SPEN: variants seen among roughly 807,000 people sequenced by gnomAD.
The protein encoded by SPEN is msx2-interacting protein.
A neutral mutation model predicts 269.9 loss-of-function variants in SPEN; 18 were observed. That is an observed-to-expected ratio of 0.07 (90% CI 0.05 to 0.10). SPEN has a LOEUF of 0.10. Among genes scored for constraint, SPEN ranks in the 10% least tolerant of loss-of-function variants. The pLI, the probability that SPEN is intolerant of heterozygous loss-of-function variation, is 1.00. For synonymous variants in SPEN, 1,726 were observed against 1,765.7 expected (o/e 0.98, Z 0.56); for missense variants, 3,822 against 4,631.2 (o/e 0.83, Z 5.07).
intron 6 of SPEN, among the ~76,000 whole-genome samples, chr1:15,918,556 ATTTTAG>A (rs2071087892): frequency 6.6e-6 from 1 of 152,168 alleles, no homozygotes; most frequent in South Asian, 2.1e-4. Context: ...CCTAATAACG[ATTTTAG>A]ATATTGCAGA....
At chr1:15,887,276 A>ATTT (rs34435171) in intron 3 of SPEN, among the ~76,000 whole-genome samples, 1,674 of 82,214 alleles carry the variant, frequency 0.02, 120 homozygotes, top group African/African-American at 0.039. Context: ...CCTGGCCTGA[A>ATTT]TTTTTTTTTT....
Position 15,929,855 on chromosome 1 carries a change from T to C in SPEN, c.3615T>C (p.Arg1205=). ...AAGATGTAGATGAATATGAAAGACG[T>C]AGCCTCGTTCACGAGGTAGGCAAAC... ...PKKDVDEYER[R]SLVHEVGKPP... Residue 1205 remains arginine, a synonymous_variant, in exon 11 of 15, where the codon CGT becomes CGC. Transcript: ENST00000375759. This position sits in a 1 kb window ranked among gnomAD's most constrained non-coding sequence, Gnocchi z 5.8. 1.2e-6 allele frequency: 2 copies of C among 1,614,176 alleles called. No homozygotes were observed. The highest frequency in any genetic ancestry group is 1.7e-6 in the Non-Finnish European group (2 of 1,180,034).
intron 1 of SPEN, among the ~76,000 whole-genome samples, chr1:15,868,256 C>T (rs2070536776): frequency 6.6e-6 from 1 of 151,624 alleles, no homozygotes; most frequent in Non-Finnish European, 1.5e-5. Flanking sequence ...GATCCTCCCA[C>T]CTGGCCTCCC....
Position 15,935,394 on chromosome 1 carries a change from A to G in SPEN, c.9154A>G (p.Thr3052Ala), listed in dbSNP as rs927670507. The change falls in exon 11 of 15, where the codon ACC (threonine) becomes GCC (alanine). Residue 3052 changes from threonine (T) to alanine (A), a missense_variant. By Grantham distance (58) the Thr-to-Ala change is moderately conservative. Coordinates refer to ENST00000375759, the MANE Select transcript of SPEN (RefSeq NM_015001.3). The surrounding 1 kb of genome is among the most constrained non-coding windows in gnomAD (Gnocchi z 7.7). ...CAGTACTGCATCTACGGCGCTCTCC[A>G]CCAACGCCACAGTCATGCTGGCTGC... ...PSSTASTALSTNATVMLAAGI... is the reference protein window; with the variant it reads ...PSSTASTALSANATVMLAAGI... The G allele has an allele frequency of 6.2e-7, 1 of 1,613,964 alleles. No homozygotes were observed. Among genetic ancestry groups the G allele is most frequent in the Non-Finnish European group, 8.5e-7 (1 of 1,179,956 alleles).
chr1:15,907,269 G>C (rs2070968332), intron 3 of SPEN, among the ~76,000 whole-genome samples: 1 of 152,058 alleles, frequency 6.6e-6, no homozygotes, highest in Non-Finnish European at 1.5e-5. Flanking sequence ...ATCACTTGAG[G>C]TCAGGAGTTT....
At chr1:15,877,182 A>C (rs754183119) in intron 3 of SPEN, among the ~76,000 whole-genome samples, 2 of 152,216 alleles carry the variant, frequency 1.3e-5, no homozygotes, top group Non-Finnish European at 2.9e-5. Context: ...CCAATTTATA[A>C]ACTCAAGTAG....
intron 3 of SPEN, among the ~76,000 whole-genome samples, chr1:15,903,973 G>A (rs549684545): frequency 1.3e-5 from 2 of 152,218 alleles, no homozygotes; most frequent in African/African-American, 2.4e-5. Flanking sequence ...ACTATATCAT[G>A]CATTTTGATG....
At position 15,933,255 on chromosome 1, in the gene SPEN, C is replaced by T. The variant is rs142260411; in HGVS notation, c.7015C>T (p.Arg2339Cys). The part of the protein sequence containing the change: ...DKGRQKTTRS[R>C]RKRNTNKKVV... ...AGGGCGCCAGAAAACAACCCGATCACGCCGCAAGCGAAACACAAACAAGAA... is the reference window on the plus strand; with the variant it reads ...AGGGCGCCAGAAAACAACCCGATCATGCCGCAAGCGAAACACAAACAAGAA... The change falls in exon 11 of 15, where the codon CGC becomes TGC. Residue 2339 changes from arginine to cysteine, a missense_variant. Physicochemically the swap from Arg to Cys is radical, Grantham distance 180. Around this residue, in one of 16 missense-constraint regions of SPEN, gnomAD observed 727 missense variants for 737.9 expected, o/e 0.99. Transcript: ENST00000375759. The surrounding 1 kb of genome is among the most constrained non-coding windows in gnomAD (Gnocchi z 5.7). 18 of 1,614,028 alleles carry T rather than the reference C, an allele frequency of 1.1e-5. No individual in the cohort carries two copies. The African/African-American group carries it at 1.3e-4, about 12-fold the overall frequency.
In SPEN at chr1:15,905,914, G is replaced by T. The variant is rs542764035; in HGVS notation, c.882-3407G>T. Reference sequence around the variant, plus strand: ...ATAGCCGTAAATTTTGCTTTTGCTCGTGATTGTTTACTTCTGTAACCACTG... The same window carrying T: ...ATAGCCGTAAATTTTGCTTTTGCTCTTGATTGTTTACTTCTGTAACCACTG... On this transcript the variant is annotated intron_variant, in intron 3 of 14. Transcript: ENST00000375759. Among the ~76,000 whole-genome samples the T allele has an allele frequency of 3.3e-5, 5 of 152,210 alleles. No homozygotes were observed. In the South Asian group the frequency reaches 8.3e-4, roughly 25 times the overall value.
chr1:15,924,983 A>G (rs1238880667), intron 10 of SPEN, among the ~76,000 whole-genome samples: 1 of 152,244 alleles, frequency 6.6e-6, no homozygotes, highest in Non-Finnish European at 1.5e-5. Context: ...CCTCTTCCAT[A>G]GAATGGAAGT....
chr1:15,927,897 A>G (rs1362464543), intron 10 of SPEN, among the ~76,000 whole-genome samples, 194 bp from the exon 11 acceptor site: 2 of 152,216 alleles, frequency 1.3e-5, no homozygotes, highest in South Asian at 2.1e-4. Context: ...ACACATCTCA[A>G]TTTAGCTAGA....
At chr1:15,924,679 C>G (rs561574513) in intron 10 of SPEN, among the ~76,000 whole-genome samples, 4 of 152,128 alleles carry the variant, frequency 2.6e-5, no homozygotes, top group Non-Finnish European at 4.4e-5. Context: ...AGGCTGGTCT[C>G]AAATTCCTGA....
Position 15,929,964 on chromosome 1 carries a change from G to C in SPEN, c.3724G>C (p.Glu1242Gln). The change falls in exon 11 of 15, where the codon GAA becomes CAA. Residue 1242 changes from glutamate (E) to glutamine (Q), a missense_variant. Coordinates refer to ENST00000375759, the MANE Select transcript of SPEN (RefSeq NM_015001.3). This position sits in a 1 kb window ranked among gnomAD's most constrained non-coding sequence, Gnocchi z 5.8. ...HVDFDICTKR[E>Q]RNYRSSRQIS... The stretch of plus-strand genomic sequence containing the variant: ...CGATTTTGATATCTGCACCAAGCGA[G>C]AACGGAATTACAGAAGTTCACGCCA... The C allele has an allele frequency of 6.2e-7, 1 of 1,614,158 alleles. No homozygotes were observed. Among genetic ancestry groups the C allele is most frequent in the Non-Finnish European group, 8.5e-7 (1 of 1,180,050 alleles).
intron 1 of SPEN, among the ~76,000 whole-genome samples, chr1:15,866,889 T>A (rs961160682): frequency 9.9e-5 from 15 of 152,228 alleles, no homozygotes; most frequent in Non-Finnish European, 2.1e-4. Flanking sequence ...TATAGTGAGA[T>A]AACATAGAAA....
chr1:15,874,240 T>G (rs1044633425), intron 2 of SPEN: 1 of 1,366,576 alleles, frequency 7.3e-7, no homozygotes, highest in East Asian at 4.5e-5. Flanking sequence ...TAAGATTTTT[T>G]TTTTCTTGTG....
chr1:15,899,595 C>T (rs2148723305), intron 3 of SPEN, among the ~76,000 whole-genome samples: 1 of 126,056 alleles, frequency 7.9e-6, no homozygotes, highest in South Asian at 2.8e-4. Flanking sequence ...TGAACTCGAA[C>T]TCCTGGGCTC....
intron 5 of SPEN, 96 bp from the exon 6 acceptor site, chr1:15,916,032 G>C (rs1362887798): frequency 1.4e-6 from 2 of 1,381,008 alleles, no homozygotes; most frequent in Non-Finnish European, 2.0e-6. Flanking sequence ...CATTATTTCA[G>C]ACATTTTGTT....
Position 15,938,827 on chromosome 1 carries a change from C to T in SPEN, c.10814C>T (p.Ala3605Val), listed in dbSNP as rs753422881. ...LKAAFITYLQAKQAAGIINVP... is the reference protein window; with the variant it reads ...LKAAFITYLQVKQAAGIINVP... ...GCTGCCTTCATCACTTACCTGCAGG[C>T]CAAGCAGGCGGCAGGGATCATCAAC... Residue 3605 changes from alanine (A) to valine (V), a missense_variant, in exon 14 of 15, where the codon GCC becomes GTC. By Grantham distance (64) the Ala-to-Val change is moderately conservative (BLOSUM62 0). Around this residue, in one of 16 missense-constraint regions of SPEN, gnomAD observed 103 missense variants for 215.8 expected, o/e 0.48. Transcript: ENST00000375759. The T allele has an allele frequency of 6.8e-6, 11 of 1,613,948 alleles. No individual in the cohort carries two copies. Among genetic ancestry groups the T allele is most frequent in the Admixed American group, 5.0e-5 (3 of 59,994 alleles).
intron 3 of SPEN, among the ~76,000 whole-genome samples, chr1:15,888,892 A>G (rs564172025): frequency 6.6e-6 from 1 of 152,068 alleles, no homozygotes; most frequent in South Asian, 2.1e-4. Context: ...GGCCTCCCAA[A>G]GTGCTGGGAT....
Sources: gnomAD v4.1 joint callset for allele counts (sites outside exome capture counted in the v4.1 genomes callset) on GRCh38, gnomAD v4.1.1 for gene constraint, gnomAD v4.1.1 regional missense constraint, Gnocchi (gnomAD v3.1) non-coding constraint, MANE v1.5 for transcripts, NCBI Gene and HGNC (gene_info 2026-07-23, HGNC 2026-07-21) for gene names.